Variants in KLHL2 observed in about 807,000 individuals in gnomAD.
KLHL2 encodes kelch like family member 2, also known as kelch-like protein 2.
Under a neutral mutation model 75.8 loss-of-function variants are expected in KLHL2, and 15 were observed. The ratio of observed to expected loss-of-function variants is 0.20; its 90% CI spans 0.13 to 0.30. The LOEUF (loss-of-function observed/expected upper bound fraction) is 0.30, where lower values mean the gene tolerates loss of function less well. Among genes scored for constraint, KLHL2 ranks in the 10% least tolerant of loss-of-function variants. KLHL2 has a pLI of 1.00. For synonymous variants in KLHL2, 214 were observed against 251.9 expected, an observed-to-expected ratio of 0.85 and a Z score of 1.42; for missense variants, 381 against 741.0, an observed-to-expected ratio of 0.51 and a Z score of 5.64.
chr4:165,238,592 T>G (rs1210783096), intron 3 of KLHL2, among the ~76,000 whole-genome samples, 186 bp from the exon 4 acceptor site: 1 of 152,142 alleles, frequency 6.6e-6, no homozygotes, highest in African/African-American at 2.4e-5. Flanking sequence ...AAAAGTACAT[T>G]TTATGATTTG....
chr4:165,263,553 A>G (rs575955708), intron 5 of KLHL2, among the ~76,000 whole-genome samples, 194 bp downstream of exon 5: 2 of 151,982 alleles, frequency 1.3e-5, no homozygotes, highest in East Asian at 3.9e-4. Context: ...GCAAGCAACT[A>G]TACATTGGGA....
intron 5 of KLHL2, among the ~76,000 whole-genome samples, chr4:165,273,375 T>G (rs1314971221): frequency 6.6e-6 from 1 of 152,230 alleles, no homozygotes; most frequent in Non-Finnish European, 1.5e-5. Flanking sequence ...TTTCCATATC[T>G]TTGGTGTATT....
At chr4:165,252,438 A>C (rs1740812825) in intron 4 of KLHL2, 1 of 152,120 alleles carries the variant, frequency 6.6e-6, no homozygotes, top group Non-Finnish European at 1.5e-5. Context: ...ATTGACATAT[A>C]GTCTTAAAAA....
chr4:165,255,186 T>G (rs1340531089), intron 4 of KLHL2, among the ~76,000 whole-genome samples: 1 of 152,198 alleles, frequency 6.6e-6, no homozygotes, highest in African/African-American at 2.4e-5. Flanking sequence ...CTGAGGCTGC[T>G]TTGCCCCCAA....
At chr4:165,286,147 T>C (rs1744076567) in intron 5 of KLHL2, among the ~76,000 whole-genome samples, 1 of 151,992 alleles carries the variant, frequency 6.6e-6, no homozygotes, top group Non-Finnish European at 1.5e-5. Context: ...AAATGCACAA[T>C]GATGAAAAGT....
intron 9 of KLHL2, among the ~76,000 whole-genome samples, chr4:165,307,845 T>C (rs537835538): frequency 9.1e-4 from 138 of 152,328 alleles, no homozygotes; most frequent in Non-Finnish European, 1.6e-3. Context: ...TATATGTATC[T>C]AAGATATCTG....
chr4:165,310,288 G>A (rs944160928), intron 9 of KLHL2, among the ~76,000 whole-genome samples: 6 of 152,180 alleles, frequency 3.9e-5, no homozygotes, highest in Non-Finnish European at 7.3e-5. Context: ...TGGCGCCACT[G>A]CACTCCAGCC....
chr4:165,224,245 CT>C (rs1223756839), intron 2 of KLHL2, among the ~76,000 whole-genome samples: 1 of 151,908 alleles, frequency 6.6e-6, no homozygotes, highest in African/African-American at 2.4e-5. Flanking sequence ...AAAAAACCTA[CT>C]GTTTTTTAGG....
intron 4 of KLHL2, among the ~76,000 whole-genome samples, chr4:165,257,966 A>G (rs1391629712): frequency 6.6e-6 from 1 of 152,024 alleles, no homozygotes; most frequent in Non-Finnish European, 1.5e-5. Context: ...CATGGTGAGA[A>G]CACCAGGGTT....
chr4:165,247,887 A>G (rs1317889338), intron 4 of KLHL2, among the ~76,000 whole-genome samples: 2 of 152,246 alleles, frequency 1.3e-5, no homozygotes, highest in Non-Finnish European at 2.9e-5. Flanking sequence ...GCAGTCATAA[A>G]TATCAGGTAG....
chr4:165,239,042 A>G (rs1414892290), intron 4 of KLHL2, 143 bp downstream of exon 4: 1 of 1,375,242 alleles, frequency 7.3e-7, no homozygotes. Flanking sequence ...ATTTGGAATG[A>G]TTACACCTTT....
intron 5 of KLHL2, among the ~76,000 whole-genome samples, chr4:165,269,146 T>C (rs1207089880): frequency 3.3e-5 from 5 of 152,216 alleles, no homozygotes; most frequent in Non-Finnish European, 7.3e-5. Context: ...TGCTTTTTTT[T>C]TGTTTTCCAT....
At chr4:165,252,741 A>G (rs1290925560) in intron 4 of KLHL2, 6 of 152,310 alleles carry the variant, frequency 3.9e-5, no homozygotes, top group Admixed American at 1.3e-4. Context: ...TAGTGTAGCA[A>G]TTTGGTCATG....
At chr4:165,265,924 T>C (rs1024877046) in intron 5 of KLHL2, among the ~76,000 whole-genome samples, 1 of 152,208 alleles carries the variant, frequency 6.6e-6, no homozygotes, top group Admixed American at 6.5e-5. Context: ...TGAACTAATT[T>C]ACACTCCCAC....
intron 5 of KLHL2, among the ~76,000 whole-genome samples, chr4:165,263,627 G>A (rs558479411): frequency 6.8e-4 from 102 of 149,182 alleles, no homozygotes; most frequent in Non-Finnish European, 9.9e-4. Context: ...TTTTTGAGAC[G>A]GAGTCTTGCC....
rs577004885 is a variant in KLHL2 at position 165,214,915 on chromosome 4, G to GTA, written c.27-5018_27-5017dup. On this transcript the variant is annotated intron_variant, in intron 1 of 14. Coordinates refer to ENST00000226725, the MANE Select transcript of KLHL2 (RefSeq NM_007246.4). ...GAAGTTTTTTTTTTTTCTTGGAGAAGTAAGTAATACAAAGAAAAAAGAGAT... is the reference window on the plus strand; with the variant it reads ...GAAGTTTTTTTTTTTTCTTGGAGAAGTATAAGTAATACAAAGAAAAAAGAGAT... 3.9e-3 allele frequency among the ~76,000 whole-genome samples: 586 copies of GTA among 151,622 alleles called. 4 individuals are homozygous for GTA. The highest frequency in any genetic ancestry group is 0.022 in the South Asian group (105 of 4,806).
intron 9 of KLHL2, among the ~76,000 whole-genome samples, chr4:165,309,089 A>T (rs1186192305): frequency 6.6e-6 from 1 of 152,238 alleles, no homozygotes; most frequent in Non-Finnish European, 1.5e-5. Flanking sequence ...GGATTCAGAG[A>T]ACTGTGAGCC....
intron 5 of KLHL2, among the ~76,000 whole-genome samples, chr4:165,286,823 G>T (rs1410695515): frequency 6.6e-6 from 1 of 152,260 alleles, no homozygotes; most frequent in Non-Finnish European, 1.5e-5. Context: ...AGCAGAGCAG[G>T]TATTTGTCCA....
chr4:165,255,377 GTT>G (rs928039118), intron 4 of KLHL2, among the ~76,000 whole-genome samples: 1 of 152,042 alleles, frequency 6.6e-6, no homozygotes, highest in Non-Finnish European at 1.5e-5. Flanking sequence ...TAATCAGACA[GTT>G]TTTTTGTGGG....
Sources: gnomAD v4.1 joint callset for allele counts (sites outside exome capture counted in the v4.1 genomes callset) on GRCh38, gnomAD v4.1.1 for gene constraint, MANE v1.5 for transcripts, NCBI Gene and HGNC (gene_info 2026-07-23, HGNC 2026-07-21) for gene names.